Variants in MYO1H observed in about 807,000 individuals in gnomAD.
MYO1H encodes the protein myosin IH, also known as unconventional myosin-Ih.
MYO1H carries 118 observed loss-of-function variants against 149.3 expected under a neutral mutation model. That is an observed-to-expected ratio of 0.79 (90% CI 0.68 to 0.92). The LOEUF (loss-of-function observed/expected upper bound fraction) is 0.92, where lower values mean the gene tolerates loss of function less well. Ranked by LOEUF, MYO1H falls within the 40% of genes least tolerant of loss-of-function variation. The probability of loss-of-function intolerance (pLI) is 0.00; values close to 1 mark genes in which losing one functional copy is unlikely to be tolerated. For missense variants in MYO1H, 1,212 were observed against 1,280.7 expected, an observed-to-expected ratio of 0.95 and a Z score of 0.82; for synonymous variants, 447 against 465.2, an observed-to-expected ratio of 0.96 and a Z score of 0.50.
At chr12:109,400,278 G>A (rs541038111) in intron 5 of MYO1H, among the ~76,000 whole-genome samples, 1 of 152,290 alleles carries the variant, frequency 6.6e-6, no homozygotes, top group South Asian at 2.1e-4. Context: ...TTAAAGAAGT[G>A]GAATTGTGGG....
the MYO1H span, among the ~76,000 whole-genome samples, chr12:109,314,582 T>TC: frequency 6.6e-6 from 1 of 152,110 alleles, no homozygotes; most frequent in Non-Finnish European, 1.5e-5. Flanking sequence ...CTCAAAGCTG[T>TC]CCCTCCCCTA....
intron 19 of MYO1H, among the ~76,000 whole-genome samples, chr12:109,431,132 C>A (rs1273369020): frequency 6.6e-6 from 1 of 151,486 alleles, no homozygotes; most frequent in African/African-American, 2.4e-5. Context: ...GTAATCCCAG[C>A]GCTTTGGGAG....
the MYO1H span, among the ~76,000 whole-genome samples, chr12:109,318,727 G>A: frequency 1.3e-5 from 2 of 152,006 alleles, no homozygotes; most frequent in East Asian, 3.9e-4. Context: ...CACTGTCCCA[G>A]ACCAGAAGCG....
At chr12:109,318,764 TGC>T in the MYO1H span, among the ~76,000 whole-genome samples, 1 of 152,108 alleles carries the variant, frequency 6.6e-6, no homozygotes, top group African/African-American at 2.4e-5. Context: ...TGCAGTGTGG[TGC>T]CCTGGGTTGG....
the MYO1H span, among the ~76,000 whole-genome samples, chr12:109,326,177 G>T: frequency 6.6e-6 from 1 of 152,230 alleles, no homozygotes; most frequent in Non-Finnish European, 1.5e-5. Context: ...GCCGGTGCCT[G>T]TCCAGGCATC....
At chr12:109,367,422 A>AT (rs1264547124) in intron 1 of MYO1H, among the ~76,000 whole-genome samples, 2 of 152,108 alleles carry the variant, frequency 1.3e-5, no homozygotes, top group East Asian at 1.9e-4. Context: ...GCTGGAGAAA[A>AT]TTTTTTAAAA....
Position 109,443,363 on chromosome 12 carries a change from C to T in MYO1H, c.2689-151C>T, listed in dbSNP as rs1289165109. ...GTATATATGTGTGTATATACACACACACACACACACACACACACACACACA... is the reference window on the plus strand; with the variant it reads ...GTATATATGTGTGTATATACACACATACACACACACACACACACACACACA... On this transcript the variant is annotated intron_variant, in intron 27 of 31. Transcript: ENST00000310903. 191 of 334,586 alleles carry T rather than the reference C, an allele frequency of 5.7e-4. 2 individuals are homozygous for T. Among genetic ancestry groups the T allele is most frequent in the Middle Eastern group, 1.0e-3 (1 of 972 alleles). The allele number at this position is 334,586 out of a possible 1,614,324, so 20.7% of individuals were successfully genotyped here. A position where few individuals can be genotyped will look rare whatever the true frequency, so the allele number is the denominator to read the frequency against.
At chr12:109,406,636 T>A (rs1018479608) in intron 8 of MYO1H, among the ~76,000 whole-genome samples, 153 bp from the exon 9 acceptor site, 9 of 151,818 alleles carry the variant, frequency 5.9e-5, no homozygotes, top group Non-Finnish European at 1.0e-4. Context: ...GATGACAGAG[T>A]GAGACCTTGT....
chr12:109,439,491 G>A (rs1393271590), intron 23 of MYO1H, 140 bp from the exon 24 acceptor site: 6 of 262,862 alleles, frequency 2.3e-5, no homozygotes, highest in Non-Finnish European at 3.9e-5. Context: ...TATATGTGGG[G>A]CAGATTTGGC....
intron 15 of MYO1H, among the ~76,000 whole-genome samples, chr12:109,417,623 C>T (rs984380043): frequency 1.4e-4 from 21 of 151,814 alleles, no homozygotes; most frequent in African/African-American, 4.1e-4. Context: ...CACCATGCCC[C>T]GCCTATATGT....
Position 109,407,782 on chromosome 12 carries a change from C to G in MYO1H, c.1036-12C>G, listed in dbSNP as rs1870461003. 6.2e-7 allele frequency: 1 copy of G among 1,612,946 alleles called. No individual in the cohort carries two copies. Among genetic ancestry groups the G allele is most frequent in the African/African-American group, 1.3e-5 (1 of 74,820 alleles). On this transcript the variant is annotated splice_polypyrimidine_tract_variant and intron_variant, in intron 9 of 31. Transcript: ENST00000310903. ...TTCCACCTATAATGATGCACCTTGTCATTCTTTTCAGGTGATCTGCCCGTT... is the reference window on the plus strand; with the variant it reads ...TTCCACCTATAATGATGCACCTTGTGATTCTTTTCAGGTGATCTGCCCGTT...
intron 18 of MYO1H, 75 bp downstream of exon 18, chr12:109,426,126 G>A (rs1177106703): frequency 1.1e-6 from 1 of 950,828 alleles, no homozygotes; most frequent in Non-Finnish European, 1.7e-6. Flanking sequence ...AGTGGGTTGG[G>A]ATCCTAAACA....
intron 9 of MYO1H, 39 bp downstream of exon 9, chr12:109,406,899 TG>T: frequency 3.9e-6 from 6 of 1,535,868 alleles, no homozygotes; most frequent in Non-Finnish European, 5.4e-6. Flanking sequence ...CAGCCCTCCC[TG>T]CTGCTGCTGC....
chr12:109,415,499 C>A (rs760863395), intron 14 of MYO1H, 27 bp from the exon 15 acceptor site: 3 of 1,567,486 alleles, frequency 1.9e-6, no homozygotes, highest in Non-Finnish European at 2.6e-6. Context: ...AAAGAAAGTT[C>A]AACTCGTGTC....
the MYO1H span, among the ~76,000 whole-genome samples, chr12:109,315,623 G>A: frequency 6.6e-6 from 1 of 152,134 alleles, no homozygotes; most frequent in Admixed American, 6.5e-5. Context: ...CTAGGCCCAC[G>A]ATCCCTCAAG....
chr12:109,349,985 T>G (rs1296044195), intron 1 of MYO1H, among the ~76,000 whole-genome samples: 1 of 148,964 alleles, frequency 6.7e-6, no homozygotes, highest in Admixed American at 6.7e-5. Context: ...GTTAATATTA[T>G]TATTATATTA....
intron 8 of MYO1H, 106 bp from the exon 9 acceptor site, chr12:109,406,683 C>A: frequency 1.9e-6 from 2 of 1,044,662 alleles, no homozygotes; most frequent in Non-Finnish European, 2.9e-6. Context: ...ATTGTGCCAC[C>A]ACATTCCCAC....
chr12:109,342,541 CTT>C, the MYO1H span, among the ~76,000 whole-genome samples: 82 of 100,488 alleles, frequency 8.2e-4, no homozygotes, highest in Admixed American at 1.4e-3. Context: ...CTTCAGGAGA[CTT>C]TTTTTTTTTT....
the MYO1H span, among the ~76,000 whole-genome samples, chr12:109,335,750 G>A: frequency 2.0e-5 from 3 of 152,082 alleles, no homozygotes; most frequent in Non-Finnish European, 4.4e-5. Flanking sequence ...AAGTTTTATA[G>A]TTTTCTTTAT....
Sources: gnomAD v4.1 joint callset for allele counts (sites outside exome capture counted in the v4.1 genomes callset) on GRCh38, gnomAD v4.1.1 for gene constraint, MANE v1.5 for transcripts, NCBI Gene and HGNC (gene_info 2026-07-23, HGNC 2026-07-21) for gene names.